The following ATRNL1 variants were observed in gnomAD, a reference collection of about 807,000 sequenced individuals.
ATRNL1 encodes attractin like 1.
ATRNL1 carries 95 observed loss-of-function variants against 182.7 expected under a neutral mutation model. The ratio of observed to expected loss-of-function variants is 0.52; its 90% CI spans 0.44 to 0.62. ATRNL1 has a LOEUF of 0.62. ATRNL1 is among the 20% of genes least tolerant of loss of function. The pLI is 0.00. For missense variants in ATRNL1, 1,471 were observed against 1,679.5 expected (o/e 0.88, Z 2.17); for synonymous variants, 576 against 568.3 (o/e 1.01, Z -0.19).
chr10:115,315,024 G>T (rs1293414292), intron 17 of ATRNL1, among the ~76,000 whole-genome samples: 3 of 152,130 alleles, frequency 2.0e-5, no homozygotes, highest in African/African-American at 7.2e-5. Flanking sequence ...CCCTTGTGAG[G>T]AGCATTGTCC....
At chr10:115,602,561 C>A (rs1271402606) in intron 26 of ATRNL1, among the ~76,000 whole-genome samples, 1 of 152,066 alleles carries the variant, frequency 6.6e-6, no homozygotes, top group Non-Finnish European at 1.5e-5. Flanking sequence ...AGGCCTGCCC[C>A]TCACTTGAAA....
At chr10:115,462,473 A>G (rs1169696687) in intron 22 of ATRNL1, among the ~76,000 whole-genome samples, 1 of 151,974 alleles carries the variant, frequency 6.6e-6, no homozygotes, top group Non-Finnish European at 1.5e-5. Flanking sequence ...TTAGCTAGGC[A>G]TGATGGTGCG....
intron 26 of ATRNL1, among the ~76,000 whole-genome samples, chr10:115,671,862 GTATT>G (rs1252719315): frequency 6.6e-6 from 1 of 152,044 alleles, no homozygotes; most frequent in African/African-American, 2.4e-5. Context: ...GAAGTTGTGG[GTATT>G]TAGAGTTATT....
intron 28 of ATRNL1, among the ~76,000 whole-genome samples, chr10:115,868,287 C>T (rs1374528890): frequency 6.6e-6 from 1 of 152,168 alleles, no homozygotes; most frequent in Admixed American, 6.5e-5. Context: ...TTGCCATCTT[C>T]ATTTATTCCC....
At chr10:115,352,318 T>A (rs1318142743) in intron 19 of ATRNL1, among the ~76,000 whole-genome samples, 1 of 152,088 alleles carries the variant, frequency 6.6e-6, no homozygotes, top group East Asian at 1.9e-4. Flanking sequence ...TGTGCTCTAG[T>A]CTTTATTAGT....
chr10:115,809,921 C>T (rs1189839797), intron 27 of ATRNL1, among the ~76,000 whole-genome samples: 1 of 151,832 alleles, frequency 6.6e-6, no homozygotes, highest in Non-Finnish European at 1.5e-5. Flanking sequence ...ATGATGTTAA[C>T]TTCAGGTTTT....
chr10:115,162,607 G>T lies in ATRNL1; in HGVS notation c.1004+2393G>T, dbSNP rs554329450. ...CATATTTTAAAAGTGTTACCATGGC[G>T]GTTTATTGATGATATACTGGGGATT... On this transcript the variant is annotated intron_variant, in intron 6 of 28. Coordinates refer to ENST00000355044, the MANE Select transcript of ATRNL1 (RefSeq NM_207303.4). Among the ~76,000 whole-genome samples, 11 of 151,096 alleles carry T rather than the reference G, an allele frequency of 7.3e-5. No individual in the cohort carries two copies. The South Asian group carries it at 2.1e-3, about 29-fold the overall frequency.
intron 20 of ATRNL1, among the ~76,000 whole-genome samples, chr10:115,419,968 A>C (rs2134371426): frequency 6.6e-6 from 1 of 152,260 alleles, no homozygotes; most frequent in Non-Finnish European, 1.5e-5. Context: ...CAGAAGGCAC[A>C]GTCTTCTCAA....
intron 26 of ATRNL1, among the ~76,000 whole-genome samples, chr10:115,615,830 G>A (rs1857399373): frequency 6.6e-6 from 1 of 152,180 alleles, no homozygotes; most frequent in African/African-American, 2.4e-5. Flanking sequence ...CGTGAGCCAA[G>A]TAAACCCATT....
At chr10:115,497,666 CT>C (rs11440990) in intron 24 of ATRNL1, among the ~76,000 whole-genome samples, 3 of 148,176 alleles carry the variant, frequency 2.0e-5, no homozygotes, top group Admixed American at 1.3e-4. Context: ...TCTTTTTTTT[CT>C]TTTTTTTTTG....
In ATRNL1 at chr10:115,916,916, G is replaced by C. The variant is rs554735641; in HGVS notation, c.4019-27742G>C. 1.1e-4 allele frequency among the ~76,000 whole-genome samples: 17 copies of C among 152,304 alleles called. 1 individual carries two copies. The South Asian group carries it at 3.5e-3, about 32-fold the overall frequency. The stretch of plus-strand genomic sequence containing the variant: ...TCTGGGTATTTATATTGCTTAGGAG[G>C]ACCAGGCTCAGGACTGGCCCCCTGT... On this transcript the variant is annotated intron_variant, in intron 28 of 28. Coordinates refer to ENST00000355044, the MANE Select transcript of ATRNL1 (RefSeq NM_207303.4).
intron 9 of ATRNL1, among the ~76,000 whole-genome samples, chr10:115,233,583 C>T (rs1850050517): frequency 1.3e-5 from 2 of 152,086 alleles, no homozygotes; most frequent in African/African-American, 4.8e-5. Context: ...TGATAACAGG[C>T]ATCTATTTTA....
chr10:115,790,658 A>G (rs1225968548), intron 27 of ATRNL1, among the ~76,000 whole-genome samples: 1 of 152,036 alleles, frequency 6.6e-6, no homozygotes, highest in Non-Finnish European at 1.5e-5. Flanking sequence ...AAACTTTTAA[A>G]CTGAATATAT....
At chr10:115,692,195 A>G (rs1277361704) in intron 26 of ATRNL1, among the ~76,000 whole-genome samples, 6 of 152,196 alleles carry the variant, frequency 3.9e-5, no homozygotes, top group Non-Finnish European at 8.8e-5. Context: ...AGTAAGGCAA[A>G]ATTTTGGCTA....
intron 21 of ATRNL1, among the ~76,000 whole-genome samples, chr10:115,431,009 GTT>G (rs1298671461): frequency 1.3e-5 from 2 of 152,060 alleles, no homozygotes; most frequent in African/African-American, 2.4e-5. Flanking sequence ...AGATGGTTTG[GTT>G]TTCTTTGTCT....
intron 27 of ATRNL1, among the ~76,000 whole-genome samples, chr10:115,782,405 T>C (rs999478431): frequency 3.3e-5 from 5 of 152,218 alleles, no homozygotes; most frequent in Admixed American, 6.5e-5. Context: ...TTGATTGTTG[T>C]TTCTGTTAAA....
chr10:115,510,750 T>C (rs771279249), intron 24 of ATRNL1, among the ~76,000 whole-genome samples: 2 of 152,016 alleles, frequency 1.3e-5, no homozygotes, highest in Non-Finnish European at 2.9e-5. Flanking sequence ...TTAATGCTAT[T>C]AGCAGAGAAA....
intron 5 of ATRNL1, among the ~76,000 whole-genome samples, chr10:115,134,462 C>T (rs144543815): frequency 0.012 from 1,787 of 152,092 alleles, 35 homozygotes; most frequent in African/African-American, 0.04. Flanking sequence ...TCTCGACACA[C>T]ACACCCTCCC....
At chr10:115,477,955 TG>T (rs1848606486) in intron 24 of ATRNL1, among the ~76,000 whole-genome samples, 2 of 151,826 alleles carry the variant, frequency 1.3e-5, no homozygotes, top group South Asian at 4.2e-4. Flanking sequence ...TACAATTGCT[TG>T]CTTTCTCATT....
Sources: gnomAD v4.1 joint callset for allele counts (sites outside exome capture counted in the v4.1 genomes callset) on GRCh38, gnomAD v4.1.1 for gene constraint, MANE v1.5 for transcripts, NCBI Gene and HGNC (gene_info 2026-07-23, HGNC 2026-07-21) for gene names.